Variants in PCDH9 observed in about 807,000 individuals in gnomAD.
PCDH9 encodes the protein protocadherin 9.
PCDH9 carries 24 observed loss-of-function variants against 70.6 expected under a neutral mutation model. The ratio of observed to expected loss-of-function variants is 0.34; its 90% CI spans 0.25 to 0.48. PCDH9 has a LOEUF of 0.48. PCDH9 is among the 20% of genes least tolerant of loss of function. PCDH9 has a pLI of 0.99. For synonymous variants in PCDH9, 562 were observed against 558.5 expected (o/e 1.01, Z -0.09); for missense variants, 1,281 against 1,503.6 (o/e 0.85, Z 2.45).
At chr13:67,013,202 T>G (rs1440859157) in intron 2 of PCDH9, among the ~76,000 whole-genome samples, 2 of 151,234 alleles carry the variant, frequency 1.3e-5, no homozygotes, top group African/African-American at 4.9e-5. Context: ...AAATAACCAG[T>G]GCTAAAATCC....
At chr13:66,426,156 C>G (rs909251345) in intron 4 of PCDH9, among the ~76,000 whole-genome samples, 2 of 151,140 alleles carry the variant, frequency 1.3e-5, no homozygotes, top group African/African-American at 4.8e-5. Flanking sequence ...AAATGGATAC[C>G]TTAATCTATT....
intron 2 of PCDH9, among the ~76,000 whole-genome samples, chr13:67,180,037 T>A (rs1170576053): frequency 6.6e-6 from 1 of 152,142 alleles, no homozygotes; most frequent in African/African-American, 2.4e-5. Flanking sequence ...TTAGAACTTT[T>A]AAATCACCAA....
intron 3 of PCDH9, among the ~76,000 whole-genome samples, chr13:66,757,344 CT>C (rs2079552950): frequency 6.6e-6 from 1 of 152,224 alleles, no homozygotes; most frequent in African/African-American, 2.4e-5. Context: ...CTTTGTTTCA[CT>C]TTACTCTTAT....
chr13:66,879,785 C>G (rs1388029098), intron 3 of PCDH9, among the ~76,000 whole-genome samples: 1 of 151,942 alleles, frequency 6.6e-6, no homozygotes, highest in Non-Finnish European at 1.5e-5. Context: ...CAACAAATGT[C>G]TAATTGAATG....
chr13:66,448,561 C>T (rs1475107432), intron 4 of PCDH9, among the ~76,000 whole-genome samples: 2 of 152,128 alleles, frequency 1.3e-5, no homozygotes, highest in Non-Finnish European at 2.9e-5. Flanking sequence ...TTTGAAATTC[C>T]ATATACAGAC....
intron 3 of PCDH9, among the ~76,000 whole-genome samples, chr13:66,698,801 C>T (rs1015173057): frequency 1.3e-5 from 2 of 151,314 alleles, no homozygotes; most frequent in Non-Finnish European, 2.9e-5. Context: ...TGGTAAGGCT[C>T]GTCTCAAACT....
chr13:66,972,067 A>G (rs1478531661), intron 2 of PCDH9, among the ~76,000 whole-genome samples: 5 of 151,996 alleles, frequency 3.3e-5, no homozygotes, highest in African/African-American at 9.7e-5. Context: ...TTGGGCCATG[A>G]TAACTGTTTG....
At chr13:66,307,027 G>A (rs1955480608) in intron 4 of PCDH9, among the ~76,000 whole-genome samples, 2 of 151,944 alleles carry the variant, frequency 1.3e-5, no homozygotes, top group African/African-American at 4.8e-5. Context: ...ACCTCTTCAA[G>A]GGTCAGCTTA....
At chr13:66,568,181 C>T (rs2076679608) in intron 4 of PCDH9, among the ~76,000 whole-genome samples, 1 of 152,078 alleles carries the variant, frequency 6.6e-6, no homozygotes, top group African/African-American at 2.4e-5. Context: ...AATAACTGAG[C>T]TCTTTTTATC....
intron 3 of PCDH9, among the ~76,000 whole-genome samples, chr13:66,858,452 G>A (rs996326638): frequency 1.3e-5 from 2 of 152,054 alleles, no homozygotes; most frequent in Non-Finnish European, 2.9e-5. Context: ...CTTGTGCCAT[G>A]TCCAAACCTA....
At chr13:66,496,229 G>C (rs962670326) in intron 4 of PCDH9, among the ~76,000 whole-genome samples, 2 of 152,100 alleles carry the variant, frequency 1.3e-5, no homozygotes, top group African/African-American at 4.8e-5. Flanking sequence ...CATTTGTCCA[G>C]TAAACCAACT....
At chr13:66,500,435 C>A (rs1234973779) in intron 4 of PCDH9, among the ~76,000 whole-genome samples, 1 of 151,900 alleles carries the variant, frequency 6.6e-6, no homozygotes, top group Non-Finnish European at 1.5e-5. Context: ...ATTGCTTTTT[C>A]TTTCATTTTT....
chr13:66,576,266 T>G (rs548486715), intron 4 of PCDH9, among the ~76,000 whole-genome samples: 4 of 152,204 alleles, frequency 2.6e-5, no homozygotes, highest in Non-Finnish European at 4.4e-5. Flanking sequence ...TAATTATAAA[T>G]GAAGATTGTA....
intron 2 of PCDH9, among the ~76,000 whole-genome samples, chr13:67,063,652 T>C (rs1428181350): frequency 6.6e-6 from 1 of 152,064 alleles, no homozygotes; most frequent in Non-Finnish European, 1.5e-5. Context: ...TTAAAAACAA[T>C]AGCAAAATGC....
chr13:66,811,223 G>A (rs1174416570), intron 3 of PCDH9, among the ~76,000 whole-genome samples: 4 of 151,976 alleles, frequency 2.6e-5, no homozygotes, highest in Admixed American at 6.6e-5. Flanking sequence ...CTTGAGTCTT[G>A]TATTGACCAA....
At chr13:66,424,140 A>G (rs1244951531) in intron 4 of PCDH9, among the ~76,000 whole-genome samples, 2 of 152,288 alleles carry the variant, frequency 1.3e-5, no homozygotes, top group East Asian at 3.9e-4. Context: ...GGCCTCCTCA[A>G]TGAAAACTAC....
intron 2 of PCDH9, among the ~76,000 whole-genome samples, chr13:67,000,681 C>T (rs1397581723): frequency 6.6e-6 from 1 of 152,018 alleles, no homozygotes; most frequent in Non-Finnish European, 1.5e-5. Context: ...AATCACGTTT[C>T]TGGGAAAATA....
chr13:66,383,617 T>G (rs1289179621), intron 4 of PCDH9, among the ~76,000 whole-genome samples: 1 of 152,198 alleles, frequency 6.6e-6, no homozygotes, highest in Non-Finnish European at 1.5e-5. Flanking sequence ...ATACAAATCC[T>G]TTGCTATGTT....
intron 2 of PCDH9, among the ~76,000 whole-genome samples, chr13:67,008,838 C>T (rs2084401044): frequency 6.6e-6 from 1 of 151,958 alleles, no homozygotes; most frequent in South Asian, 2.1e-4. Context: ...TTCTGAATAC[C>T]CACGGTGCAC....
Sources: gnomAD v4.1 joint callset for allele counts (sites outside exome capture counted in the v4.1 genomes callset) on GRCh38, gnomAD v4.1.1 for gene constraint, MANE v1.5 for transcripts, NCBI Gene and HGNC (gene_info 2026-07-23, HGNC 2026-07-21) for gene names.